The following NFX1 variants were observed in gnomAD, a reference collection of about 807,000 sequenced individuals.
NFX1 encodes the protein nuclear transcription factor, X-box binding 1, also known as transcriptional repressor NF-X1.
In NFX1, 69 loss-of-function variants were observed where a neutral mutation model predicts 137.2. The ratio of observed to expected loss-of-function variants is 0.50; its 90% CI spans 0.41 to 0.61. The LOEUF (loss-of-function observed/expected upper bound fraction) is 0.61. NFX1 is among the 20% of genes least tolerant of loss of function. The pLI is 0.00. For synonymous variants in NFX1, 495 were observed against 474.1 expected (o/e 1.04, Z -0.57); for missense variants, 1,167 against 1,391.0 (o/e 0.84, Z 2.56).
At chr9:33,350,245 A>G (rs183337743) in intron 15 of NFX1, among the ~76,000 whole-genome samples, 1 of 149,500 alleles carries the variant, frequency 6.7e-6, no homozygotes, top group East Asian at 2.0e-4. Flanking sequence ...TGGAGGTTGC[A>G]GTGAGCTGAG....
At chr9:33,354,988 T>C in intron 19 of NFX1, 96 bp downstream of exon 19, 1 of 1,154,246 alleles carries the variant, frequency 8.7e-7, no homozygotes, top group Non-Finnish European at 1.3e-6. Flanking sequence ...CACTCAGCAC[T>C]GCGCTGCGTC....
intron 5 of NFX1, among the ~76,000 whole-genome samples, chr9:33,308,851 T>C (rs1353200818): frequency 1.3e-5 from 2 of 151,966 alleles, no homozygotes; most frequent in Non-Finnish European, 2.9e-5. Context: ...AGGGATAATA[T>C]TGGACCAGGG....
intron 9 of NFX1, among the ~76,000 whole-genome samples, chr9:33,321,966 T>C (rs1247781405): frequency 6.6e-6 from 1 of 151,812 alleles, no homozygotes; most frequent in Non-Finnish European, 1.5e-5. Context: ...TTTGGGATGC[T>C]GAGGTGGGCA....
intron 1 of NFX1, among the ~76,000 whole-genome samples, chr9:33,291,596 C>G (rs754992267): frequency 3.9e-5 from 6 of 152,170 alleles, no homozygotes; most frequent in Non-Finnish European, 7.4e-5. Flanking sequence ...GTATTTATTA[C>G]TATGGTTCTT....
At chr9:33,356,414 C>T (rs1416051584) in intron 19 of NFX1, among the ~76,000 whole-genome samples, 2 of 152,078 alleles carry the variant, frequency 1.3e-5, no homozygotes, top group Admixed American at 1.3e-4. Context: ...TTGTTGCACT[C>T]TGTACCTTCA....
At chr9:33,316,533 T>C (rs555695671) in intron 7 of NFX1, among the ~76,000 whole-genome samples, 21 of 152,342 alleles carry the variant, frequency 1.4e-4, no homozygotes, top group Admixed American at 1.2e-3. Flanking sequence ...TTCTGTTTAG[T>C]TGATTTTTCA....
intron 1 of NFX1, 60 bp from the exon 2 acceptor site, chr9:33,294,359 CT>C: frequency 6.9e-7 from 1 of 1,440,776 alleles, no homozygotes; most frequent in Non-Finnish European, 9.4e-7. Flanking sequence ...GGCTTGGAGT[CT>C]ATGAGTTTCA....
At position 33,319,047 on chromosome 9, in the gene NFX1, G is replaced by T. The variant is rs34444364; in HGVS notation, c.1826G>T (p.Ser609Ile). 2.5e-5 allele frequency: 41 copies of T among 1,614,110 alleles called. No individual in the cohort carries two copies. Among genetic ancestry groups the T allele is most frequent in the Non-Finnish European group, 3.4e-5 (40 of 1,180,052 alleles). Residue 609 changes from serine to isoleucine, a missense_variant, in exon 9 of 24, where the codon AGT becomes ATT. Ser to Ile is a moderately radical substitution (Grantham distance 142). This residue lies in a region of NFX1 where 488 missense variants were observed against 691.5 expected (regional missense o/e 0.71). Coordinates refer to ENST00000379540, the MANE Select transcript of NFX1 (RefSeq NM_002504.6). ...CTCAGCCAATTGCTAGAACTTGGAA[G>T]TAGTAGTCGGAAAACATGCATGGAC... is the stretch of plus-strand genomic sequence containing the variant. Reference protein sequence around the residue: ...TPLSQLLELGSSSRKTCMDPV... With the variant: ...TPLSQLLELGISSRKTCMDPV...
intron 7 of NFX1, among the ~76,000 whole-genome samples, chr9:33,316,176 T>C (rs529481707): frequency 1.1e-4 from 16 of 152,290 alleles, no homozygotes; most frequent in African/African-American, 3.8e-4. Flanking sequence ...GATAATATGT[T>C]CCAGCCCCTG....
intron 7 of NFX1, 110 bp downstream of exon 7, chr9:33,313,903 TG>T (rs1822056382): frequency 9.1e-7 from 1 of 1,095,682 alleles, no homozygotes; most frequent in Non-Finnish European, 1.3e-6. Context: ...ACAAAGACCT[TG>T]AGTAGAGAGA....
chr9:33,295,272 C>T lies in NFX1; in HGVS notation c.878C>T (p.Ser293Phe), dbSNP rs374434585. Reference sequence around the variant, plus strand: ...GACCTCAATGAAAGACCAGCAAAATCTACCTGTGACAGTGAGAACTTGGCA... The same window carrying T: ...GACCTCAATGAAAGACCAGCAAAATTTACCTGTGACAGTGAGAACTTGGCA... ...KDDLNERPAK[S>F]TCDSENLAVI... Residue 293 changes from serine (S) to phenylalanine (F), a missense_variant, in exon 2 of 24, where the codon TCT (serine) becomes TTT (phenylalanine). Physicochemically the swap from Ser to Phe is radical, Grantham distance 155. Transcript: ENST00000379540. 5.6e-6 allele frequency: 9 copies of T among 1,614,024 alleles called. No individual in the cohort carries two copies. In the African/African-American group the frequency reaches 1.2e-4, roughly 22 times the overall value.
chr9:33,332,468 A>G lies in NFX1; in HGVS notation c.2005-4A>G, dbSNP rs1356429495. On this transcript the variant is annotated splice_region_variant and splice_polypyrimidine_tract_variant and intron_variant, in intron 10 of 23. Coordinates refer to ENST00000379540, the MANE Select transcript of NFX1 (RefSeq NM_002504.6). ...AGTTACCATTTCTTTTTCTTTTTCCATAGGAGCTTCCATGTACCAGTCTCA... is the reference window on the plus strand; with the variant it reads ...AGTTACCATTTCTTTTTCTTTTTCCGTAGGAGCTTCCATGTACCAGTCTCA... 3.1e-6 allele frequency: 5 copies of G among 1,590,926 alleles called. No homozygotes were observed. Among genetic ancestry groups the G allele is most frequent in the Middle Eastern group, 1.7e-4 (1 of 6,016 alleles).
chr9:33,317,587 T>TA (rs1199713784), intron 7 of NFX1, among the ~76,000 whole-genome samples: 1 of 151,042 alleles, frequency 6.6e-6, no homozygotes, highest in East Asian at 1.9e-4. Context: ...TCCCAGCACT[T>TA]TGGGAGGTCG....
chr9:33,344,526 T>G (rs1317580280), intron 14 of NFX1, among the ~76,000 whole-genome samples: 1 of 152,234 alleles, frequency 6.6e-6, no homozygotes, highest in African/African-American at 2.4e-5. Context: ...AAGTGACTTT[T>G]TTGTTGTTAT....
rs762989502 is a variant in NFX1, at chr9:33,307,769, T to C, written c.1376+470T>C. Among the ~76,000 whole-genome samples the C allele has an allele frequency of 2.1e-3, 313 of 151,346 alleles. 1 individual carries two copies. The highest frequency in any genetic ancestry group is 3.4e-3 in the Middle Eastern group (1 of 292). On this transcript the variant is annotated intron_variant, in intron 5 of 23. Transcript: ENST00000379540. ...GGACAGTATTTCCAAGATGTCAAGA[T>C]GTCAATCTTTTTCTTTCTTTCTTTC... is the stretch of plus-strand genomic sequence containing the variant.
rs368179981 is a variant in NFX1 at position 33,303,284 on chromosome 9, T to A, written c.1270+16T>A. On this transcript the variant is annotated intron_variant, in intron 4 of 23. Transcript: ENST00000379540. ...TGTTTCTGTGGTAAGTTTGTTTATATACACTGGAGTCTCTTTTACTACATA... is the reference window on the plus strand; with the variant it reads ...TGTTTCTGTGGTAAGTTTGTTTATAAACACTGGAGTCTCTTTTACTACATA... 1.2e-6 allele frequency: 2 copies of A among 1,605,780 alleles called. No homozygotes were observed. The highest frequency in any genetic ancestry group is 4.5e-5 in the East Asian group (2 of 44,864).
At chr9:33,342,477 A>G (rs1026714085) in intron 12 of NFX1, among the ~76,000 whole-genome samples, 1 of 152,188 alleles carries the variant, frequency 6.6e-6, no homozygotes. Context: ...ATATATATGT[A>G]TGTATCAAAT....
chr9:33,352,878 TG>T, intron 17 of NFX1, 159 bp downstream of exon 17: 1 of 606,952 alleles, frequency 1.6e-6, no homozygotes, highest in Non-Finnish European at 2.9e-6. Context: ...CACAGATACA[TG>T]TGTTTATCAT....
chr9:33,344,212 C>G (rs752009150), intron 14 of NFX1, 24 bp downstream of exon 14: 134 of 1,612,812 alleles, frequency 8.3e-5, no homozygotes, highest in Non-Finnish European at 1.1e-4. Flanking sequence ...TGTCTTCACA[C>G]TTCAGCCTGC....
Sources: gnomAD v4.1 joint callset for allele counts (sites outside exome capture counted in the v4.1 genomes callset) on GRCh38, gnomAD v4.1.1 for gene constraint, gnomAD v4.1.1 regional missense constraint, MANE v1.5 for transcripts, NCBI Gene and HGNC (gene_info 2026-07-23, HGNC 2026-07-21) for gene names.